The following ZNF93 variants were observed in gnomAD, a reference collection of about 807,000 sequenced individuals.
ZNF93 encodes zinc finger protein 93.
Under a neutral mutation model 45.0 loss-of-function variants are expected in ZNF93, and 29 were observed. That is an observed-to-expected ratio of 0.64 (90% CI 0.48 to 0.88). The LOEUF is 0.88. Ranked by LOEUF, ZNF93 falls within the 40% of genes least tolerant of loss-of-function variation. The pLI, the probability that ZNF93 is intolerant of heterozygous loss-of-function variation, is 0.00. For missense variants in ZNF93, 578 were observed against 724.0 expected, an observed-to-expected ratio of 0.80 and a Z score of 2.31; for synonymous variants, 223 against 244.6, an observed-to-expected ratio of 0.91 and a Z score of 0.82.
intron 1 of ZNF93, among the ~76,000 whole-genome samples, chr19:19,910,451 T>G (rs1261368171): frequency 6.6e-6 from 1 of 152,166 alleles, no homozygotes; most frequent in East Asian, 1.9e-4. Context: ...TCGATGTTAT[T>G]TCTGTAAATA....
intron 3 of ZNF93, among the ~76,000 whole-genome samples, chr19:19,929,937 CAAAAAAAAAAAA>C (rs71172547): frequency 8.7e-5 from 5 of 57,688 alleles, no homozygotes; most frequent in South Asian, 2.1e-3. Flanking sequence ...GACTCCGTCT[CAAAAAAAAAAAA>C]AAAAAAAAAA....
chr19:19,913,474 A>G (rs1320916747), intron 1 of ZNF93, among the ~76,000 whole-genome samples: 1 of 152,162 alleles, frequency 6.6e-6, no homozygotes. Context: ...CCACCTGTGA[A>G]CTAGAGGGTG....
In ZNF93 at chr19:19,900,952, C is replaced by T. The variant is rs115942353; in HGVS notation, c.-137C>T. On this transcript the variant is annotated 5_prime_UTR_variant, in exon 1 of 4. Coordinates refer to ENST00000343769, the MANE Select transcript of ZNF93 (RefSeq NM_031218.4). ...CTGGTTTGGCGGGTCCTTTGTCTCT[C>T]GGTGCAGCCGGAGCTCCAGGTCTCC... 368 of 1,443,404 alleles carry T rather than the reference C, an allele frequency of 2.5e-4. 2 individuals are homozygous for T. In the African/African-American group the frequency reaches 4.5e-3, roughly 18 times the overall value. The allele number at this position is 1,443,404 out of a possible 1,614,324, so 89.4% of individuals were successfully genotyped here.
intron 1 of ZNF93, among the ~76,000 whole-genome samples, chr19:19,903,928 G>C (rs1238765219): frequency 6.6e-6 from 1 of 151,476 alleles, no homozygotes; most frequent in African/African-American, 2.4e-5. Context: ...AAAACTAGGC[G>C]GGCGCTTGTA....
At chr19:19,906,411 G>A (rs1428703400) in intron 1 of ZNF93, among the ~76,000 whole-genome samples, 2 of 152,054 alleles carry the variant, frequency 1.3e-5, no homozygotes, top group Non-Finnish European at 2.9e-5. Context: ...AATTGTTTAA[G>A]TTCTTAATAA....
intron 1 of ZNF93, among the ~76,000 whole-genome samples, chr19:19,911,602 A>G (rs1003799579): frequency 6.6e-6 from 1 of 152,190 alleles, no homozygotes; most frequent in African/African-American, 2.4e-5. Context: ...TAGACTAGCT[A>G]CTGGATAAGT....
chr19:19,926,807 T>A (rs1311921426), intron 3 of ZNF93, among the ~76,000 whole-genome samples: 1 of 152,162 alleles, frequency 6.6e-6, no homozygotes, highest in Non-Finnish European at 1.5e-5. Flanking sequence ...AGATTATATA[T>A]GTATATGTGT....
At chr19:19,904,098 C>G (rs540081683) in intron 1 of ZNF93, among the ~76,000 whole-genome samples, 1 of 147,368 alleles carries the variant, frequency 6.8e-6, no homozygotes, top group African/African-American at 2.5e-5. Context: ...TTTTGACCAC[C>G]GAAGACAAAT....
At chr19:19,914,757 A>T in intron 1 of ZNF93, 1 of 371,512 alleles carries the variant, frequency 2.7e-6, no homozygotes, top group Non-Finnish European at 5.2e-6. Flanking sequence ...GGAAAAACAC[A>T]GGCTCTTCCA....
At chr19:19,916,449 T>C in intron 2 of ZNF93, 111 bp from the exon 3 acceptor site, 1 of 830,524 alleles carries the variant, frequency 1.2e-6, no homozygotes, top group Admixed American at 2.5e-5. Context: ...AATTTGTATT[T>C]TGGTATTAAT....
intron 3 of ZNF93, among the ~76,000 whole-genome samples, chr19:19,920,730 G>T (rs772173921): frequency 2.6e-5 from 4 of 152,250 alleles, no homozygotes; most frequent in African/African-American, 7.2e-5. Context: ...GTTTATTTGC[G>T]TAGAGGTGTT....
intron 1 of ZNF93, among the ~76,000 whole-genome samples, chr19:19,905,843 C>A (rs1159661840): frequency 2.0e-5 from 3 of 152,116 alleles, no homozygotes; most frequent in Non-Finnish European, 4.4e-5. Context: ...CCACCAGCCT[C>A]AGCCTCCCAA....
chr19:19,933,852 A>G lies in ZNF93; in HGVS notation c.897A>G (p.Thr299=), dbSNP rs185798623. Residue 299 remains threonine, a synonymous_variant, in exon 4 of 4, where the codon ACA becomes ACG. Coordinates refer to ENST00000343769, the MANE Select transcript of ZNF93 (RefSeq NM_031218.4). ...ECGKAFNQSS[T]LTKHKKIHTG... ...GCAAAGCTTTTAACCAATCCTCAAC[A>G]CTTACTAAACATAAGAAAATTCATA... The G allele has an allele frequency of 6.2e-7, 1 of 1,606,082 alleles. No homozygotes were observed. The highest frequency in any genetic ancestry group is 1.7e-5 in the Admixed American group (1 of 59,376).
intron 3 of ZNF93, 72 bp from the exon 4 acceptor site, chr19:19,933,110 T>G: frequency 3.4e-6 from 4 of 1,166,802 alleles, no homozygotes; most frequent in Non-Finnish European, 3.5e-6. Flanking sequence ...TATAATTTTA[T>G]AGGTTAGATT....
rs2063268580 is a variant in ZNF93, at chr19:19,901,016, C to T, written c.-73C>T. ...GTGTCCTGTGCTCCTACAGGCCCAG[C>T]CTCTGTGGCCCTGTGACCTGCAGGT... On this transcript the variant is annotated 5_prime_UTR_variant, in exon 1 of 4. Coordinates refer to ENST00000343769, the MANE Select transcript of ZNF93 (RefSeq NM_031218.4). The T allele has an allele frequency of 6.3e-7, 1 of 1,596,618 alleles. No homozygotes were observed. The highest frequency in any genetic ancestry group is 1.3e-5 in the African/African-American group (1 of 74,576).
chr19:19,906,693 T>A (rs1368902547), intron 1 of ZNF93, among the ~76,000 whole-genome samples: 2 of 152,136 alleles, frequency 1.3e-5, no homozygotes, highest in African/African-American at 4.8e-5. Context: ...TTGTCCTGAG[T>A]TGATTTTTGT....
chr19:19,935,351 C>T lies in ZNF93; in HGVS notation c.*533C>T, dbSNP rs1271329059. On this transcript the variant is annotated 3_prime_UTR_variant, in exon 4 of 4. Transcript: ENST00000343769. ...ACCTTGTGACCAGGCTAAAACCCCT[C>T]ATCACTACAAATTCAGAGGGCATCT... The T allele has an allele frequency of 6.5e-6, 1 of 154,160 alleles. No individual in the cohort carries two copies. The highest frequency in any genetic ancestry group is 1.4e-5 in the Non-Finnish European group (1 of 69,472). 9.5% of individuals were successfully genotyped at this position (154,160 alleles called of 1,614,324 possible). A position where few individuals can be genotyped will look rare whatever the true frequency, so the allele number is the denominator to read the frequency against.
At chr19:19,915,900 C>G (rs140399884) in intron 2 of ZNF93, among the ~76,000 whole-genome samples, 93 of 152,208 alleles carry the variant, frequency 6.1e-4, no homozygotes, top group Non-Finnish European at 9.4e-4. Flanking sequence ...TTCCACATTC[C>G]TGAGTTGAGC....
chr19:19,906,329 T>G (rs1274263873), intron 1 of ZNF93, among the ~76,000 whole-genome samples: 1 of 152,238 alleles, frequency 6.6e-6, no homozygotes, highest in African/African-American at 2.4e-5. Context: ...CATGTATGCC[T>G]GCTTTTGAAA....
Sources: gnomAD v4.1 joint callset for allele counts (sites outside exome capture counted in the v4.1 genomes callset) on GRCh38, gnomAD v4.1.1 for gene constraint, MANE v1.5 for transcripts, NCBI Gene and HGNC (gene_info 2026-07-23, HGNC 2026-07-21) for gene names.